SARNP: variants seen among roughly 807,000 people sequenced by gnomAD.
The protein encoded by SARNP is SAP domain-containing ribonucleoprotein.
SARNP carries 5 observed loss-of-function variants against 38.1 expected under a neutral mutation model. The ratio of observed to expected loss-of-function variants is 0.13; its 90% confidence interval spans 0.07 to 0.28. SARNP has a LOEUF of 0.28. SARNP is among the 10% of genes least tolerant of loss of function. The pLI, the probability that SARNP is intolerant of heterozygous loss-of-function variation, is 1.00. For missense variants in SARNP, 180 were observed against 243.9 expected, an observed-to-expected ratio of 0.74 and a Z score of 1.75; for synonymous variants, 84 against 80.6, an observed-to-expected ratio of 1.04 and a Z score of -0.23.
intron 5 of SARNP, 63 bp downstream of exon 5, chr12:55,795,962 T>G: frequency 1.8e-6 from 2 of 1,126,980 alleles, no homozygotes; most frequent in South Asian, 1.4e-5. Context: ...GATGCAGATA[T>G]AATAAAGGGT....
In SARNP at chr12:55,794,804, C is replaced by T; in HGVS notation, c.377+3G>A. ...AGAGGCCCAAAAGGCTGGGGACACT[C>T]ACCTAGCTGCCCGAGCAGCTTTCTT... On this transcript the variant is annotated splice_donor_region_variant and intron_variant, in intron 6 of 10. Transcript: ENST00000336133. 6.3e-7 allele frequency: 1 copy of T among 1,597,784 alleles called. No individual in the cohort carries two copies. The highest frequency in any genetic ancestry group is 1.3e-5 in the African/African-American group (1 of 74,632).
At chr12:55,774,101 C>T (rs1404398847) in intron 9 of SARNP, among the ~76,000 whole-genome samples, 1 of 152,020 alleles carries the variant, frequency 6.6e-6, no homozygotes, top group African/African-American at 2.4e-5. Flanking sequence ...ACCTCCTTGG[C>T]TCAAGCAATC....
intron 7 of SARNP, chr12:55,794,051 T>C (rs542156491): frequency 3.7e-5 from 13 of 354,080 alleles, no homozygotes; most frequent in Admixed American, 1.9e-4. Flanking sequence ...CTAGATAGTA[T>C]GCAATAATTT....
At chr12:55,764,386 C>T (rs2136178323) in intron 9 of SARNP, among the ~76,000 whole-genome samples, 1 of 152,234 alleles carries the variant, frequency 6.6e-6, no homozygotes, top group South Asian at 2.1e-4. Context: ...ACAAAATTAG[C>T]TGGGCGTGGT....
At chr12:55,765,254 T>C (rs1205374212) in intron 9 of SARNP, among the ~76,000 whole-genome samples, 1 of 152,190 alleles carries the variant, frequency 6.6e-6, no homozygotes, top group African/African-American at 2.4e-5. Context: ...GTATGTCCAC[T>C]TGGAATGTGC....
At chr12:55,783,559 G>A (rs1338295162) in intron 9 of SARNP, among the ~76,000 whole-genome samples, 1 of 151,788 alleles carries the variant, frequency 6.6e-6, no homozygotes, top group Non-Finnish European at 1.5e-5. Flanking sequence ...AGAGGGAAAA[G>A]GACATGATGA....
At chr12:55,756,793 T>C (rs575450772), downstream of SARNP, 2 of 152,378 alleles carry the variant, frequency 1.3e-5, no homozygotes, top group African/African-American at 4.8e-5. Flanking sequence ...CTCTGAGGGA[T>C]ATCCAGCCCA....
intron 1 of SARNP, among the ~76,000 whole-genome samples, chr12:55,809,613 C>CATGGTAGTGA (rs1880264255): frequency 6.6e-6 from 1 of 151,276 alleles, no homozygotes; most frequent in Non-Finnish European, 1.5e-5. Flanking sequence ...ACTAGCCAGG[C>CATGGTAGTGA]ACACTTGTAG....
At position 55,760,541 on chromosome 12, in the gene SARNP, A is replaced by G. The variant is rs200601003; in HGVS notation, c.591+10T>C. 2 of 1,537,142 alleles carry G rather than the reference A, an allele frequency of 1.3e-6. No homozygotes were observed. Among genetic ancestry groups the G allele is most frequent in the African/African-American group, 2.7e-5 (2 of 73,490 alleles). ...TCAAGGTCTATGAAGCGTTCCAGGTATATTTTTACCTCTGTATCCTCTGTG... is the reference window on the plus strand; with the variant it reads ...TCAAGGTCTATGAAGCGTTCCAGGTGTATTTTTACCTCTGTATCCTCTGTG... On this transcript the variant is annotated intron_variant, in intron 10 of 10. Coordinates refer to ENST00000336133, the MANE Select transcript of SARNP (RefSeq NM_033082.4).
chr12:55,788,669 C>T (rs1459441825), intron 9 of SARNP, among the ~76,000 whole-genome samples: 2 of 151,952 alleles, frequency 1.3e-5, no homozygotes, highest in East Asian at 1.9e-4. Flanking sequence ...CATGGTGGCA[C>T]GTGCCTGTAG....
At chr12:55,777,760 G>T (rs1163910254) in intron 9 of SARNP, among the ~76,000 whole-genome samples, 1 of 152,180 alleles carries the variant, frequency 6.6e-6, no homozygotes, top group East Asian at 1.9e-4. Context: ...TAAAAAGTAT[G>T]TGTTGGAGGA....
At chr12:55,813,092 C>T (rs1045793449) in intron 1 of SARNP, among the ~76,000 whole-genome samples, 3 of 152,034 alleles carry the variant, frequency 2.0e-5, no homozygotes, top group East Asian at 1.9e-4. Context: ...ATTACAAGTG[C>T]GCGCCACCAG....
In SARNP at chr12:55,805,140, T is replaced by C. The variant is rs565259485; in HGVS notation, c.37-1412A>G. On this transcript the variant is annotated intron_variant, in intron 1 of 10. Transcript: ENST00000336133. The stretch of plus-strand genomic sequence containing the variant: ...AGCCAGGCGTGGTGGCAGGCGCCTG[T>C]AGTCCCAGCTACTCGGGAGGCTGAG... 1.6e-3 allele frequency among the ~76,000 whole-genome samples: 241 copies of C among 152,274 alleles called. 2 individuals are homozygous for C. Among genetic ancestry groups the C allele is most frequent in the African/African-American group, 5.6e-3 (233 of 41,562 alleles).
chr12:55,791,366 A>T (rs1455111408), intron 7 of SARNP, among the ~76,000 whole-genome samples: 1 of 152,240 alleles, frequency 6.6e-6, no homozygotes, highest in African/African-American at 2.4e-5. Flanking sequence ...AAGAGATCAC[A>T]TCTGGACAAA....
chr12:55,813,040 G>C (rs1419379372), intron 1 of SARNP, among the ~76,000 whole-genome samples: 2 of 152,062 alleles, frequency 1.3e-5, no homozygotes, highest in African/African-American at 4.8e-5. Flanking sequence ...CCGCCTCCTG[G>C]GTTCAAGTGA....
chr12:55,790,445 C>A, intron 8 of SARNP, 122 bp downstream of exon 8: 1 of 1,114,528 alleles, frequency 9.0e-7, no homozygotes, highest in Non-Finnish European at 1.3e-6. Flanking sequence ...CAACATTGTA[C>A]TGAAAAGAGT....
chr12:55,802,382 C>T (rs1880005003), intron 2 of SARNP, among the ~76,000 whole-genome samples: 1 of 151,804 alleles, frequency 6.6e-6, no homozygotes, highest in African/African-American at 2.4e-5. Flanking sequence ...CTATATCCTA[C>T]AGGTTAAGCA....
At chr12:55,782,988 G>A (rs1879383245) in intron 9 of SARNP, among the ~76,000 whole-genome samples, 1 of 152,068 alleles carries the variant, frequency 6.6e-6, no homozygotes, top group Non-Finnish European at 1.5e-5. Context: ...GCGCACGCCT[G>A]TAGTCCTAGC....
intron 9 of SARNP, among the ~76,000 whole-genome samples, chr12:55,780,123 G>C (rs1374259100): frequency 6.6e-6 from 1 of 152,148 alleles, no homozygotes; most frequent in African/African-American, 2.4e-5. Context: ...ACTTCAGCCT[G>C]GGCGACAGAG....
Sources: allele counts gnomAD v4.1 joint callset (sites outside exome capture counted in the v4.1 genomes callset), GRCh38; gene constraint gnomAD v4.1.1; transcripts MANE v1.5; gene names NCBI Gene and HGNC (gene_info 2026-07-23, HGNC 2026-07-21).